SNX29: variants seen among roughly 807,000 people sequenced by gnomAD.
SNX29 encodes the protein sorting nexin-29.
In SNX29, 78 loss-of-function variants were observed where a neutral mutation model predicts 102.1. The ratio of observed to expected loss-of-function variants is 0.76; its 90% CI spans 0.64 to 0.92. The LOEUF is 0.92. SNX29 is among the 40% of genes least tolerant of loss of function. The pLI is 0.00. For synonymous variants in SNX29, 580 were observed against 414.5 expected (o/e 1.40, Z -4.85); for missense variants, 1,280 against 1,061.7 (o/e 1.21, Z -2.86).
In SNX29 at chr16:12,052,153, A is replaced by C; in HGVS notation, c.1055A>C (p.Glu352Ala). Reference sequence around the variant, plus strand: ...AGCATCGATGATGAAGATGTGGATGAAAACGAAGATGACGTGTATGGAAAC... The same window carrying C: ...AGCATCGATGATGAAGATGTGGATGCAAACGAAGATGACGTGTATGGAAAC... The part of the protein sequence containing the change: ...VKSIDDEDVD[E>A]NEDDVYGNSS... The change falls in exon 8 of 21, where the codon GAA becomes GCA. Residue 352 changes from glutamate (E) to alanine (A), a missense_variant. Transcript: ENST00000566228. 3 of 1,613,974 alleles carry C rather than the reference A, an allele frequency of 1.9e-6. No homozygotes were observed. Among genetic ancestry groups the C allele is most frequent in the Non-Finnish European group, 2.5e-6 (3 of 1,179,860 alleles).
chr16:12,145,187 CTTG>C (rs2055015668), intron 13 of SNX29, among the ~76,000 whole-genome samples: 1 of 149,354 alleles, frequency 6.7e-6, no homozygotes, highest in Non-Finnish European at 1.5e-5. Flanking sequence ...TGAGGGAACT[CTTG>C]TTTTCATACT....
intron 14 of SNX29, among the ~76,000 whole-genome samples, chr16:12,235,030 G>T (rs946423320): frequency 1.3e-5 from 2 of 151,674 alleles, no homozygotes; most frequent in Non-Finnish European, 2.9e-5. Context: ...GTCTCTCTCT[G>T]TCTTTGGCTT....
intron 15 of SNX29, among the ~76,000 whole-genome samples, chr16:12,294,461 GTCT>G (rs1468639522): frequency 6.6e-6 from 1 of 152,152 alleles, no homozygotes; most frequent in African/African-American, 2.4e-5. Context: ...GGGAGAATGA[GTCT>G]TCTTGGTTTC....
chr16:12,509,926 T>C (rs1297033876), intron 19 of SNX29, among the ~76,000 whole-genome samples: 2 of 152,274 alleles, frequency 1.3e-5, no homozygotes, highest in African/African-American at 4.8e-5. Context: ...AGCCTCAGCA[T>C]GTATCTGTAA....
intron 20 of SNX29, among the ~76,000 whole-genome samples, chr16:12,530,949 T>C (rs752808975): frequency 1.3e-5 from 2 of 152,242 alleles, no homozygotes; most frequent in Non-Finnish European, 2.9e-5. Flanking sequence ...ACCCTTGCTC[T>C]ACTTGAACAG....
chr16:12,035,067 C>T (rs2057437220), intron 4 of SNX29, among the ~76,000 whole-genome samples: 1 of 151,712 alleles, frequency 6.6e-6, no homozygotes, highest in South Asian at 2.1e-4. Context: ...GTTTTTAGAT[C>T]ACAGTTATCC....
intron 13 of SNX29, among the ~76,000 whole-genome samples, chr16:12,182,189 G>GTTTTTTTTTTTTTTTTTTTT (rs67550670): frequency 8.2e-6 from 1 of 122,052 alleles, no homozygotes; most frequent in Non-Finnish European, 1.7e-5. Flanking sequence ...GCCCGGCCTA[G>GTTTTTTTTTTTTTTTTTTTT]TTTTTTTTTT....
At chr16:12,548,190 A>G (rs762202150) in intron 20 of SNX29, among the ~76,000 whole-genome samples, 3 of 152,148 alleles carry the variant, frequency 2.0e-5, no homozygotes, top group African/African-American at 4.8e-5. Context: ...TGCTCATCCC[A>G]CAGCGCCTCC....
At chr16:12,458,281 T>C (rs992934854) in intron 18 of SNX29, among the ~76,000 whole-genome samples, 3 of 152,112 alleles carry the variant, frequency 2.0e-5, no homozygotes, top group African/African-American at 7.2e-5. Flanking sequence ...TGCTTGGCAT[T>C]ATTTAAAACC....
intron 16 of SNX29, among the ~76,000 whole-genome samples, chr16:12,380,792 C>T (rs1296610447): frequency 2.9e-5 from 3 of 102,172 alleles, no homozygotes; most frequent in Non-Finnish European, 4.4e-5. Flanking sequence ...CACCCATCCA[C>T]CCACACACCA....
chr16:12,389,170 T>C (rs1567513184), intron 16 of SNX29, among the ~76,000 whole-genome samples: 2 of 152,238 alleles, frequency 1.3e-5, no homozygotes, highest in African/African-American at 4.8e-5. Context: ...TTTGGACAGC[T>C]GCCTTTCTTT....
intron 11 of SNX29, among the ~76,000 whole-genome samples, chr16:12,123,558 G>A (rs2054073504): frequency 6.6e-6 from 1 of 151,916 alleles, no homozygotes; most frequent in Admixed American, 6.6e-5. Context: ...CTATGCAGGG[G>A]AATAATATTC....
intron 13 of SNX29, among the ~76,000 whole-genome samples, chr16:12,164,508 G>A (rs112839070): frequency 0.018 from 2,718 of 152,090 alleles, 81 homozygotes; most frequent in African/African-American, 0.062. Flanking sequence ...ATTGAGTACT[G>A]TTTACAAGTA....
chr16:12,398,461 A>G lies in SNX29; in HGVS notation c.1915A>G (p.Ser639Gly). The G allele has an allele frequency of 6.2e-7, 1 of 1,613,868 alleles. No individual in the cohort carries two copies. The highest frequency in any genetic ancestry group is 8.5e-7 in the Non-Finnish European group (1 of 1,179,880). ...CTGATGGTAGGTGCCTGGAGATTTG[A>G]GTCAAACGTCCGAAGACCAGAGTTT... ...DLRGPVPGDL[S>G]QTSEDQSLSD... The change falls in exon 17 of 21, where the codon AGT (serine) becomes GGT (glycine). Residue 639 changes from serine (S) to glycine (G), a missense_variant. Ser to Gly is a moderately conservative substitution (Grantham distance 56, BLOSUM62 0). Coordinates refer to ENST00000566228, the MANE Select transcript of SNX29 (RefSeq NM_032167.5).
At chr16:12,534,012 G>A (rs2077001211) in intron 20 of SNX29, among the ~76,000 whole-genome samples, 1 of 152,244 alleles carries the variant, frequency 6.6e-6, no homozygotes, top group African/African-American at 2.4e-5. Flanking sequence ...GCCTTCCAGG[G>A]CAAAAGGGGA....
At chr16:12,400,958 G>T (rs924611392) in intron 17 of SNX29, among the ~76,000 whole-genome samples, 1 of 152,156 alleles carries the variant, frequency 6.6e-6, no homozygotes, top group Non-Finnish European at 1.5e-5. Context: ...GAGTAGCTGG[G>T]ATTACAGGTG....
intron 13 of SNX29, among the ~76,000 whole-genome samples, chr16:12,152,105 C>A (rs562011895): frequency 1.1e-4 from 17 of 152,100 alleles, no homozygotes; most frequent in African/African-American, 4.1e-4. Context: ...CCTGTAGTCA[C>A]GGCTACTTTG....
chr16:12,153,109 T>G (rs1175136202), intron 13 of SNX29, among the ~76,000 whole-genome samples: 1 of 152,156 alleles, frequency 6.6e-6, no homozygotes, highest in African/African-American at 2.4e-5. Context: ...AATAATTGTT[T>G]AAAAAGAGCT....
At chr16:12,392,756 G>A (rs1019577) in intron 16 of SNX29, among the ~76,000 whole-genome samples, 2 of 151,996 alleles carry the variant, frequency 1.3e-5, no homozygotes, top group Non-Finnish European at 2.9e-5. Flanking sequence ...AAACCACAGA[G>A]AACAAAAACA....
Sources: gnomAD v4.1 joint callset for allele counts (sites outside exome capture counted in the v4.1 genomes callset) on GRCh38, gnomAD v4.1.1 for gene constraint, MANE v1.5 for transcripts, NCBI Gene and HGNC (gene_info 2026-07-23, HGNC 2026-07-21) for gene names.